The following SYN3 variants were observed in gnomAD, a reference collection of about 807,000 sequenced individuals.
SYN3 encodes the protein synapsin III, also known as synapsin-3.
Under a neutral mutation model 65.8 loss-of-function variants are expected in SYN3, and 35 were observed. The observed-to-expected ratio is 0.53, with a 90% CI of 0.41 to 0.70. The LOEUF is 0.70. SYN3 is among the 30% of genes least tolerant of loss of function. SYN3 has a pLI of 0.00. For missense variants in SYN3, 680 were observed against 749.0 expected (o/e 0.91, Z 1.08); for synonymous variants, 270 against 292.9 (o/e 0.92, Z 0.80).
Position 32,801,901 on chromosome 22 carries a change from C to T in SYN3, c.711+63014G>A, listed in dbSNP as rs2046593032. The stretch of plus-strand genomic sequence containing the variant: ...GAGGCCAAGGTTGCCCCGCACGGCC[C>T]GGCGGGCGAGCGAGCTCGGGCTGCA... On this transcript the variant is annotated intron_variant, in intron 6 of 13. Coordinates refer to ENST00000358763, the MANE Select transcript of SYN3 (RefSeq NM_003490.4). The surrounding 1 kb of genome is among the most constrained non-coding windows in gnomAD (Gnocchi z 4.7). The T allele has an allele frequency of 7.2e-7, 1 of 1,387,622 alleles. No homozygotes were observed. The highest frequency in any genetic ancestry group is 1.5e-5 in the African/African-American group (1 of 65,434). The allele number at this position is 1,387,622 out of a possible 1,614,324, so 86.0% of individuals were successfully genotyped here.
At chr22:32,516,679 A>G (rs945486265) in intron 13 of SYN3, among the ~76,000 whole-genome samples, 2 of 152,186 alleles carry the variant, frequency 1.3e-5, no homozygotes, top group African/African-American at 2.4e-5. Context: ...TACCTTTTAG[A>G]TCTTTGAACT....
rs368236821 is a variant in SYN3, at chr22:32,644,101, A to AAAAAAGAG, written c.712-47366_712-47365insCTCTTTTT. On this transcript the variant is annotated intron_variant, in intron 6 of 13. Transcript: ENST00000358763. The stretch of plus-strand genomic sequence containing the variant: ...AAAAAAAAAAAAAAAAAAAAAAAAA[A>AAAAAAGAG]AGCGACAAGACTGACTGATGATGGG... Among the ~76,000 whole-genome samples, 309 of 71,216 alleles carry AAAAAAGAG rather than the reference A, an allele frequency of 4.3e-3. 102 individuals carry two copies. The highest frequency in any genetic ancestry group is 0.011 in the African/African-American group (209 of 18,342). The allele number at this position is 71,216 out of a possible 152,430, so 46.7% of individuals were successfully genotyped here.
At chr22:32,772,753 G>A (rs534418586) in intron 6 of SYN3, among the ~76,000 whole-genome samples, 1 of 152,116 alleles carries the variant, frequency 6.6e-6, no homozygotes, top group Non-Finnish European at 1.5e-5. Context: ...CTGCAAGTCC[G>A]GGAATACTTG....
At chr22:32,703,428 G>T (rs1445019834) in intron 6 of SYN3, among the ~76,000 whole-genome samples, 1 of 152,106 alleles carries the variant, frequency 6.6e-6, no homozygotes, top group Non-Finnish European at 1.5e-5. Context: ...CATGAGGTCA[G>T]GAGACTGAGA....
chr22:32,615,280 C>G (rs1362030880), intron 6 of SYN3, among the ~76,000 whole-genome samples: 2 of 151,712 alleles, frequency 1.3e-5, no homozygotes, highest in Non-Finnish European at 2.9e-5. Flanking sequence ...ACTAAAAATA[C>G]AAAAATTAGC....
intron 6 of SYN3, among the ~76,000 whole-genome samples, chr22:32,805,735 T>C (rs2046716005): frequency 6.6e-6 from 1 of 150,620 alleles, no homozygotes; most frequent in East Asian, 2.0e-4. Flanking sequence ...AGTTGCTAAA[T>C]GATAAAGCTA....
chr22:32,867,797 G>T (rs2048726094), intron 5 of SYN3, among the ~76,000 whole-genome samples: 1 of 152,154 alleles, frequency 6.6e-6, no homozygotes, highest in South Asian at 2.1e-4. Context: ...TGGCCAGCAT[G>T]GTCTCGATCT....
intron 6 of SYN3, among the ~76,000 whole-genome samples, chr22:32,737,335 C>T (rs1350662998): frequency 1.3e-5 from 2 of 151,804 alleles, no homozygotes; most frequent in Non-Finnish European, 2.9e-5. Flanking sequence ...TTTAATTATA[C>T]TTTAAGTTTT....
rs568438080 is a variant in SYN3, at chr22:32,837,336, G to A, written c.711+27579C>T. On this transcript the variant is annotated intron_variant, in intron 6 of 13. Transcript: ENST00000358763. This position sits in a 1 kb window ranked among gnomAD's most constrained non-coding sequence, Gnocchi z 4.1. ...TCTCAGGGGATAGGGGGTGGTCTCAGCCCCCCTCACCGAGTGCACTTGCAT... is the reference window on the plus strand; with the variant it reads ...TCTCAGGGGATAGGGGGTGGTCTCAACCCCCCTCACCGAGTGCACTTGCAT... Among the ~76,000 whole-genome samples, 135 of 152,258 alleles carry A rather than the reference G, an allele frequency of 8.9e-4. 1 individual carries two copies. The highest frequency in any genetic ancestry group is 1.6e-3 in the Non-Finnish European group (111 of 68,016).
Position 33,016,093 on chromosome 22 carries a change from G to A in SYN3, c.-162-9269C>T, listed in dbSNP as rs186891308. Among the ~76,000 whole-genome samples the A allele has an allele frequency of 3.9e-4, 59 of 152,108 alleles. 1 individual carries two copies. The highest frequency in any genetic ancestry group is 3.4e-3 in the Middle Eastern group (1 of 294). On this transcript the variant is annotated intron_variant, in intron 1 of 13. Transcript: ENST00000358763. ...ACTCCTGACCTCAGGTGATCCACTC[G>A]CCTCGGCCTCCCAAAGTGCTGGGAT...
At chr22:32,632,681 G>A (rs2059762502) in intron 6 of SYN3, among the ~76,000 whole-genome samples, 1 of 152,170 alleles carries the variant, frequency 6.6e-6, no homozygotes, top group African/African-American at 2.4e-5. Flanking sequence ...GCATTCAACA[G>A]CTGTTTGGCA....
chr22:33,051,342 C>T (rs117352804), intron 1 of SYN3, among the ~76,000 whole-genome samples: 3,915 of 152,210 alleles, frequency 0.026, 72 homozygotes, highest in Non-Finnish European at 0.04. Context: ...TAGCCAGGAT[C>T]GCAGTGTGTC....
intron 3 of SYN3, among the ~76,000 whole-genome samples, chr22:32,969,367 G>C (rs1198402505): frequency 6.6e-6 from 1 of 152,172 alleles, no homozygotes; most frequent in Non-Finnish European, 1.5e-5. Flanking sequence ...GCATTCCCCA[G>C]CCCTCGCTGC....
intron 7 of SYN3, among the ~76,000 whole-genome samples, chr22:32,566,517 G>C (rs2058673766): frequency 2.6e-5 from 4 of 152,204 alleles, no homozygotes; most frequent in Admixed American, 2.6e-4. Flanking sequence ...GTCCCTGAAA[G>C]TGACGTAAAG....
At chr22:32,975,259 CA>C (rs1328303266) in intron 3 of SYN3, among the ~76,000 whole-genome samples, 2 of 151,786 alleles carry the variant, frequency 1.3e-5, no homozygotes, top group African/African-American at 2.4e-5. Flanking sequence ...CCTGTAATCT[CA>C]GCTGCTCAGG....
At position 32,514,951 on chromosome 22, in the gene SYN3, G is replaced by A. The variant is rs1181046472; in HGVS notation, c.1611-1127C>T. Among the ~76,000 whole-genome samples the A allele has an allele frequency of 2.0e-5, 3 of 152,106 alleles. No homozygotes were observed. The East Asian group carries it at 5.8e-4, about 29-fold the overall frequency. On this transcript the variant is annotated intron_variant, in intron 13 of 13. Coordinates refer to ENST00000358763, the MANE Select transcript of SYN3 (RefSeq NM_003490.4). ...GAATGGCATGAATCCTTGAGGCGGA[G>A]CTTGCAGTGAGCCGAGATGGCGCCA...
chr22:32,590,500 T>C (rs1473995743), intron 7 of SYN3, among the ~76,000 whole-genome samples: 1 of 152,256 alleles, frequency 6.6e-6, no homozygotes, highest in Non-Finnish European at 1.5e-5. Flanking sequence ...AGCATAATCA[T>C]GTGCTTTGGT....
intron 6 of SYN3, among the ~76,000 whole-genome samples, chr22:32,723,443 C>A (rs1181159909): frequency 6.6e-6 from 1 of 152,202 alleles, no homozygotes; most frequent in Non-Finnish European, 1.5e-5. Flanking sequence ...TGCCTAGAAT[C>A]TGGAGAGAAG....
intron 6 of SYN3, among the ~76,000 whole-genome samples, chr22:32,796,637 A>G (rs554703628): frequency 1.9e-3 from 295 of 152,250 alleles, no homozygotes; most frequent in African/African-American, 6.9e-3. Context: ...GGATGGGTGG[A>G]CCAGGCTGTC....
Sources: gnomAD v4.1 joint callset for allele counts (sites outside exome capture counted in the v4.1 genomes callset) on GRCh38, gnomAD v4.1.1 for gene constraint, Gnocchi (gnomAD v3.1) non-coding constraint, MANE v1.5 for transcripts, NCBI Gene and HGNC (gene_info 2026-07-23, HGNC 2026-07-21) for gene names.